The following TMEM161B variants were observed in gnomAD, a reference collection of about 807,000 sequenced individuals.
The protein encoded by TMEM161B is transmembrane protein 161B.
Under a neutral mutation model 61.8 loss-of-function variants are expected in TMEM161B, and 34 were observed. The ratio of observed to expected loss-of-function variants is 0.55; its 90% CI spans 0.42 to 0.73. The LOEUF (loss-of-function observed/expected upper bound fraction) is 0.73. Ranked by LOEUF, TMEM161B falls within the 30% of genes least tolerant of loss-of-function variation. The pLI, the probability that TMEM161B is intolerant of heterozygous loss-of-function variation, is 0.00. For missense variants in TMEM161B, 456 were observed against 558.5 expected (o/e 0.82, Z 1.85); for synonymous variants, 167 against 192.8 (o/e 0.87, Z 1.11).
intron 2 of TMEM161B, among the ~76,000 whole-genome samples, chr5:88,239,142 T>C (rs1000831603): frequency 2.6e-5 from 4 of 152,000 alleles, no homozygotes; most frequent in Admixed American, 2.6e-4. Flanking sequence ...TCTTCCAATA[T>C]TAATAAAGAT....
At chr5:88,198,061 A>C (rs1421209354) in intron 10 of TMEM161B, 1 of 199,206 alleles carries the variant, frequency 5.0e-6, no homozygotes. Context: ...GTATATATTT[A>C]CTTATATTTC....
downstream of TMEM161B, among the ~76,000 whole-genome samples, chr5:88,193,369 A>G (rs1423266189): frequency 6.6e-6 from 1 of 152,184 alleles, no homozygotes; most frequent in Non-Finnish European, 1.5e-5. Context: ...AGTATAACAT[A>G]CAAAATAAAA....
downstream of TMEM161B, among the ~76,000 whole-genome samples, chr5:88,188,597 A>G (rs1748508505): frequency 6.6e-6 from 1 of 152,236 alleles, no homozygotes; most frequent in African/African-American, 2.4e-5. Flanking sequence ...GGATAAAATA[A>G]AGCAGGCAGA....
At chr5:88,267,871 CTT>C (rs922127663) in intron 1 of TMEM161B, among the ~76,000 whole-genome samples, 6 of 152,176 alleles carry the variant, frequency 3.9e-5, no homozygotes, top group Non-Finnish European at 8.8e-5. Flanking sequence ...ATTAACCAAA[CTT>C]TAAGATTCTC....
At position 88,195,710 on chromosome 5, in the gene TMEM161B, C is replaced by T. The variant is rs1352208860; in HGVS notation, c.*501G>A. 1.0e-6 allele frequency: 1 copy of T among 986,494 alleles called. No individual in the cohort carries two copies. The highest frequency in any genetic ancestry group is 1.2e-6 in the Non-Finnish European group (1 of 830,492). The allele number at this position is 986,494 out of a possible 1,614,324, so 61.1% of individuals were successfully genotyped here. ...CTGTAATATACAGTAGCTATCTCTT[C>T]CTTTCTGTTGGATTTTATTGTTTCA... On this transcript the variant is annotated 3_prime_UTR_variant, in exon 12 of 12. Transcript: ENST00000296595.
chr5:88,191,978 AAGT>A (rs1331558915), downstream of TMEM161B, among the ~76,000 whole-genome samples: 63 of 66,842 alleles, frequency 9.4e-4, no homozygotes, highest in Non-Finnish European at 1.5e-3. Flanking sequence ...AAAAAAAAAA[AAGT>A]GTATATATAT....
At chr5:88,190,259 A>T (rs1278151509), downstream of TMEM161B, 4 of 700,668 alleles carry the variant, frequency 5.7e-6, no homozygotes, top group African/African-American at 7.0e-5. Context: ...GCCTTGCATT[A>T]TGCTGTCGGC....
intron 1 of TMEM161B, among the ~76,000 whole-genome samples, chr5:88,256,562 T>C (rs1226556208): frequency 6.6e-6 from 1 of 152,226 alleles, no homozygotes; most frequent in East Asian, 1.9e-4. Context: ...ATGTGCACTA[T>C]AAAACGTTCA....
chr5:88,221,682 T>A, intron 4 of TMEM161B: 1 of 456,020 alleles, frequency 2.2e-6, no homozygotes, highest in Non-Finnish European at 4.4e-6. Flanking sequence ...ACCCTTTGCA[T>A]CTCAGGTGGC....
At chr5:88,259,680 T>C (rs923250213) in intron 1 of TMEM161B, among the ~76,000 whole-genome samples, 1 of 152,202 alleles carries the variant, frequency 6.6e-6, no homozygotes, top group Admixed American at 6.5e-5. Flanking sequence ...GTGGCAGATG[T>C]GTTTGACACC....
At chr5:88,251,713 A>G (rs925987181) in intron 1 of TMEM161B, among the ~76,000 whole-genome samples, 4 of 152,212 alleles carry the variant, frequency 2.6e-5, no homozygotes, top group African/African-American at 9.6e-5. Context: ...ATCTTAAACA[A>G]TGTTAAAAAT....
intron 8 of TMEM161B, among the ~76,000 whole-genome samples, chr5:88,204,849 T>TAA (rs33955317): frequency 1.0e-4 from 15 of 143,878 alleles, no homozygotes; most frequent in African/African-American, 1.8e-4. Flanking sequence ...GAAGTGAGGT[T>TAA]AAAAAAAAAA....
At chr5:88,206,823 A>AAAAAAACGAGACAGTATTTTTGGG (rs1561320368) in intron 6 of TMEM161B, among the ~76,000 whole-genome samples, 1 of 152,056 alleles carries the variant, frequency 6.6e-6, no homozygotes, top group Non-Finnish European at 1.5e-5. Flanking sequence ...GTATTTTTGG[A>AAAAAAACGAGACAGTATTTTTGGG]AAAAAACATT....
chr5:88,197,710 A>G lies in TMEM161B; in HGVS notation c.1145T>C (p.Leu382Pro). The stretch of plus-strand genomic sequence containing the variant: ...CAGAGTTGTGTGAAGCAGCATTACC[A>G]GAGGCGCCACATACTGCAGTGCAAT... Reference protein sequence around the residue: ...CVIALQYVAPLVMLLHTTLLL... With the variant: ...CVIALQYVAPPVMLLHTTLLL... Residue 382 changes from leucine (L) to proline (P), a missense_variant, in exon 11 of 12, where the codon CTG becomes CCG. Around this residue, in one of 3 missense-constraint regions of TMEM161B, gnomAD observed 367 missense variants for 427.3 expected, o/e 0.86. Coordinates refer to ENST00000296595, the MANE Select transcript of TMEM161B (RefSeq NM_153354.5). 1 of 1,613,132 alleles carries G rather than the reference A, an allele frequency of 6.2e-7. No homozygotes were observed. The highest frequency in any genetic ancestry group is 8.5e-7 in the Non-Finnish European group (1 of 1,179,294).
At chr5:88,186,620 C>A (rs1295860167), downstream of TMEM161B, among the ~76,000 whole-genome samples, 1 of 151,856 alleles carries the variant, frequency 6.6e-6, no homozygotes, top group Non-Finnish European at 1.5e-5. Context: ...TCTATGAAAT[C>A]TTTTATTATT....
intron 1 of TMEM161B, chr5:88,259,207 G>A (rs2112767227): frequency 6.6e-6 from 1 of 152,216 alleles, no homozygotes; most frequent in South Asian, 2.1e-4. Flanking sequence ...GGATTTCTGT[G>A]ATAAGTAAGT....
At chr5:88,216,122 T>C (rs1030474838) in intron 5 of TMEM161B, among the ~76,000 whole-genome samples, 12 of 152,120 alleles carry the variant, frequency 7.9e-5, no homozygotes, top group African/African-American at 2.9e-4. Flanking sequence ...TGGGTGAAAC[T>C]GCAGTCCTAG....
At chr5:88,204,442 A>C (rs1745051678) in intron 8 of TMEM161B, among the ~76,000 whole-genome samples, 1 of 152,186 alleles carries the variant, frequency 6.6e-6, no homozygotes, top group Non-Finnish European at 1.5e-5. Context: ...TGTTTTTATA[A>C]AGTGATTCTT....
chr5:88,226,269 G>A (rs868800829), intron 3 of TMEM161B, among the ~76,000 whole-genome samples: 3 of 151,864 alleles, frequency 2.0e-5, no homozygotes, highest in Non-Finnish European at 4.4e-5. Flanking sequence ...AAACAGACCC[G>A]GAACCATATG....
Sources: allele counts gnomAD v4.1 joint callset (sites outside exome capture counted in the v4.1 genomes callset), GRCh38; gene constraint gnomAD v4.1.1; regional missense constraint gnomAD v4.1.1; transcripts MANE v1.5; gene names NCBI Gene and HGNC (gene_info 2026-07-23, HGNC 2026-07-21).